LIG1: variants seen among roughly 807,000 people sequenced by gnomAD.
LIG1 encodes the protein DNA ligase 1.
A neutral mutation model predicts 115.7 loss-of-function variants in LIG1; 70 were observed. The ratio of observed to expected loss-of-function variants is 0.60; its 90% CI spans 0.50 to 0.74. The LOEUF is 0.74. Ranked by LOEUF, LIG1 falls within the 30% of genes least tolerant of loss-of-function variation. The probability of loss-of-function intolerance (pLI) is 0.00; values close to 1 mark genes in which losing one functional copy is unlikely to be tolerated. For synonymous variants in LIG1, 487 were observed against 495.3 expected (o/e 0.98, Z 0.22); for missense variants, 1,115 against 1,225.6 (o/e 0.91, Z 1.35).
intron 5 of LIG1, among the ~76,000 whole-genome samples, chr19:48,156,160 C>G (rs1051737222): frequency 6.6e-6 from 1 of 152,190 alleles, no homozygotes; most frequent in Non-Finnish European, 1.5e-5. Context: ...GCGCTCTACA[C>G]GCCAGCACAC....
At position 48,123,196 on chromosome 19, in the gene LIG1, C is replaced by T. The variant is rs1226509313; in HGVS notation, c.2127G>A (p.Glu709=). The T allele has an allele frequency of 5.6e-6, 9 of 1,614,004 alleles. No homozygotes were observed. The highest frequency in any genetic ancestry group is 7.6e-6 in the Non-Finnish European group (9 of 1,180,022). The change falls in exon 22 of 28, where the codon GAG becomes GAA. Residue 709 remains glutamate (E), a synonymous_variant. Transcript: ENST00000263274. ...CACCTTTCACTGACTGCTCCAGGAA[C>T]TCGGCGATCTGCTCGATGTCCTTGG... ...LDTKDIEQIA[E]FLEQSVKDSC...
Position 48,170,223 on chromosome 19 carries a change from G to C in LIG1, c.-58+18C>G, listed in dbSNP as rs1236452606. On this transcript the variant is annotated intron_variant, in intron 1 of 27. Transcript: ENST00000263274. ...GCCGCCCTCCGCCTCCCATCTGCTT[G>C]CGGACGGCCCCACTTGCCTTGCGTT... 1 of 455,300 alleles carries C rather than the reference G, an allele frequency of 2.2e-6. No individual in the cohort carries two copies. The highest frequency in any genetic ancestry group is 4.4e-6 in the Non-Finnish European group (1 of 226,468). 28.2% of individuals were successfully genotyped at this position (455,300 alleles called of 1,614,324 possible).
intron 1 of LIG1, among the ~76,000 whole-genome samples, chr19:48,168,499 C>CA (rs1220845791): frequency 6.6e-6 from 1 of 152,126 alleles, no homozygotes; most frequent in East Asian, 1.9e-4. Context: ...TCTGGAGGAC[C>CA]ACCTGGCGTC....
At chr19:48,139,903 C>T in intron 12 of LIG1, 68 bp downstream of exon 12, 3 of 1,561,148 alleles carry the variant, frequency 1.9e-6, no homozygotes, top group South Asian at 2.2e-5. Context: ...CTCCGATCCA[C>T]CTGACCTCTG....
At chr19:48,131,777 C>T (rs532496179) in intron 18 of LIG1, among the ~76,000 whole-genome samples, 86 of 152,296 alleles carry the variant, frequency 5.6e-4, no homozygotes, top group African/African-American at 2.0e-3. Flanking sequence ...GGTCACAGCC[C>T]TTGAGCAGGG....
intron 2 of LIG1, among the ~76,000 whole-genome samples, chr19:48,164,769 T>C (rs1207109570): frequency 6.6e-6 from 1 of 152,224 alleles, no homozygotes; most frequent in Admixed American, 6.5e-5. Context: ...AGTCATGCCC[T>C]TTCTTGTCTT....
chr19:48,137,945 G>A lies in LIG1; in HGVS notation c.1088-257C>T. 1.7e-6 allele frequency: 1 copy of A among 580,146 alleles called. No individual in the cohort carries two copies. The highest frequency in any genetic ancestry group is 1.9e-5 in the South Asian group (1 of 52,652). The allele number at this position is 580,146 out of a possible 1,614,324, so 35.9% of individuals were successfully genotyped here. On this transcript the variant is annotated intron_variant, in intron 12 of 27. Coordinates refer to ENST00000263274, the MANE Select transcript of LIG1 (RefSeq NM_000234.3). This position sits in a 1 kb window ranked among gnomAD's most constrained non-coding sequence, Gnocchi z 4.3. ...GATGAACGAGCATGACCACACTCAG[G>A]GGAGACATCTGGGCCGGTGTCATCA...
chr19:48,139,623 A>C (rs1406059275), intron 12 of LIG1, among the ~76,000 whole-genome samples: 1 of 151,594 alleles, frequency 6.6e-6, no homozygotes, highest in African/African-American at 2.4e-5. Flanking sequence ...CACTCCTTCC[A>C]ATCCCTCCAG....
intron 22 of LIG1, 34 bp from the exon 23 acceptor site, chr19:48,123,050 G>A: frequency 1.2e-6 from 2 of 1,611,652 alleles, no homozygotes; most frequent in South Asian, 1.1e-5. Flanking sequence ...TCCTTGGGAA[G>A]CCCTGGCTCA....
chr19:48,147,168 G>A (rs1239581397), intron 9 of LIG1: 1 of 152,176 alleles, frequency 6.6e-6, no homozygotes, highest in Admixed American at 6.5e-5. Flanking sequence ...ACATCAAAGA[G>A]ATTTTGGACT....
intron 9 of LIG1, chr19:48,146,152 T>C (rs922519349): frequency 6.6e-6 from 1 of 152,218 alleles, no homozygotes; most frequent in African/African-American, 2.4e-5. Context: ...AGTTTGCCTG[T>C]CTCTTGGAGG....
chr19:48,138,811 T>C (rs3730957), intron 12 of LIG1, among the ~76,000 whole-genome samples: 4 of 152,204 alleles, frequency 2.6e-5, no homozygotes, highest in Non-Finnish European at 4.4e-5. Context: ...TTCTGTTACC[T>C]GCAGCTCAGA....
intron 1 of LIG1, among the ~76,000 whole-genome samples, chr19:48,167,649 A>AC (rs2036551085): frequency 6.6e-6 from 1 of 151,846 alleles, no homozygotes; most frequent in Non-Finnish European, 1.5e-5. Flanking sequence ...GCATGGTGAA[A>AC]CCCCATCTCT....
At position 48,136,216 on chromosome 19, in the gene LIG1, G is replaced by A. The variant is rs1420169815; in HGVS notation, c.1332-91C>T. 5.7e-6 allele frequency: 5 copies of A among 871,906 alleles called. No individual in the cohort carries two copies. In the East Asian group the frequency reaches 8.0e-5, roughly 14 times the overall value. The allele number at this position is 871,906 out of a possible 1,614,324, so 54.0% of individuals were successfully genotyped here. On this transcript the variant is annotated intron_variant, in intron 14 of 27. Transcript: ENST00000263274. ...TCTGATCTCCTCGACCTTGATGTAT[G>A]TAGACCCTCTCCTCAAAAACCAGAA...
intron 26 of LIG1, among the ~76,000 whole-genome samples, chr19:48,116,557 G>A (rs2032848898): frequency 6.6e-6 from 1 of 151,980 alleles, no homozygotes; most frequent in African/African-American, 2.4e-5. Context: ...GAATCTGACT[G>A]TGGGATTCCA....
intron 9 of LIG1, 59 bp downstream of exon 9, chr19:48,149,704 G>C: frequency 7.2e-7 from 1 of 1,388,316 alleles, no homozygotes; most frequent in Non-Finnish European, 1.0e-6. Flanking sequence ...TGGGGCTGTC[G>C]GAATGCAGAG....
intron 24 of LIG1, 158 bp downstream of exon 24, chr19:48,121,012 G>T: frequency 6.6e-7 from 1 of 1,508,072 alleles, no homozygotes; most frequent in South Asian, 1.3e-5. Context: ...AGCAAGAGTT[G>T]CTCATAGAAC....
At chr19:48,143,341 C>T (rs1467092319) in intron 11 of LIG1, among the ~76,000 whole-genome samples, 2 of 152,214 alleles carry the variant, frequency 1.3e-5, no homozygotes, top group East Asian at 3.9e-4. Context: ...TTGTGTCTTG[C>T]TCTGACCATG....
intron 1 of LIG1, chr19:48,165,903 GT>G (rs56219597): frequency 0.019 from 7,703 of 413,698 alleles, 185 homozygotes; most frequent in African/African-American, 0.06. Context: ...CCTGAAATGG[GT>G]TTTTTTGGAG....
Sources: allele counts gnomAD v4.1 joint callset (sites outside exome capture counted in the v4.1 genomes callset), GRCh38; gene constraint gnomAD v4.1.1; non-coding constraint Gnocchi (gnomAD v3.1); transcripts MANE v1.5; gene names NCBI Gene and HGNC (gene_info 2026-07-23, HGNC 2026-07-21).